The following DGKG variants were observed in gnomAD, a reference collection of about 807,000 sequenced individuals.
DGKG encodes diacylglycerol kinase gamma, also known as DAG kinase gamma.
In DGKG, 78 loss-of-function variants were observed where a neutral mutation model predicts 105.3. That is an observed-to-expected ratio of 0.74 (90% CI 0.62 to 0.89). The LOEUF is 0.89. DGKG is among the 40% of genes least tolerant of loss of function. The pLI is 0.00. For missense variants in DGKG, 958 were observed against 1,020.1 expected (o/e 0.94, Z 0.83); for synonymous variants, 346 against 367.1 (o/e 0.94, Z 0.66).
Position 186,231,122 on chromosome 3 carries a change from C to T in DGKG, c.1826+11382G>A, listed in dbSNP as rs772688998. Among the ~76,000 whole-genome samples the T allele has an allele frequency of 4.6e-5, 7 of 152,194 alleles. No homozygotes were observed. Among genetic ancestry groups the T allele is most frequent in the Non-Finnish European group, 1.0e-4 (7 of 68,040 alleles). ...GAGTAAGGAGGTGCAGTCACTATTT[C>T]CTGTTGTGAATCCTTCACACACTTG... On this transcript the variant is annotated intron_variant, in intron 20 of 24. Coordinates refer to ENST00000265022, the MANE Select transcript of DGKG (RefSeq NM_001346.3). The surrounding 1 kb of genome is among the most constrained non-coding windows in gnomAD (Gnocchi z 4.5).
At chr3:186,161,416 A>G in intron 24 of DGKG, 187 bp downstream of exon 24, 1 of 1,430,804 alleles carries the variant, frequency 7.0e-7, no homozygotes, top group Admixed American at 2.9e-5. Context: ...TCTGGCATAT[A>G]GCAGGTTTTC....
chr3:186,190,830 C>T (rs569299413), intron 21 of DGKG, among the ~76,000 whole-genome samples: 15 of 152,230 alleles, frequency 9.9e-5, no homozygotes, highest in African/African-American at 2.9e-4. Flanking sequence ...TTAATATGTG[C>T]GCATAAAAGG....
At chr3:186,201,492 ATG>A (rs1484610400) in intron 21 of DGKG, among the ~76,000 whole-genome samples, 5 of 152,070 alleles carry the variant, frequency 3.3e-5, no homozygotes, top group Non-Finnish European at 7.4e-5. Context: ...AGGTGGGAGA[ATG>A]TTGGCATTTC....
intron 11 of DGKG, among the ~76,000 whole-genome samples, chr3:186,269,825 C>T (rs1208997713): frequency 1.3e-5 from 2 of 152,160 alleles, no homozygotes; most frequent in Admixed American, 1.3e-4. Flanking sequence ...GCAGGCTAGG[C>T]ACTTGGAAAC....
intron 3 of DGKG, among the ~76,000 whole-genome samples, chr3:186,304,259 GT>G (rs1234312287): frequency 6.6e-6 from 1 of 152,242 alleles, no homozygotes; most frequent in African/African-American, 2.4e-5. Context: ...GGTGGGGGGT[GT>G]GGGGCAGTGA....
intron 20 of DGKG, among the ~76,000 whole-genome samples, chr3:186,236,147 A>G (rs932729244): frequency 3.9e-5 from 6 of 152,134 alleles, no homozygotes. Flanking sequence ...AACCAACCAA[A>G]GTGGTGCCAT....
intron 20 of DGKG, among the ~76,000 whole-genome samples, chr3:186,241,802 C>T (rs1255219334): frequency 6.6e-6 from 1 of 152,182 alleles, no homozygotes; most frequent in African/African-American, 2.4e-5. Context: ...AAAGGGGTAG[C>T]TATACGTCAG....
chr3:186,223,611 G>T (rs1419765135), intron 20 of DGKG, among the ~76,000 whole-genome samples: 1 of 152,080 alleles, frequency 6.6e-6, no homozygotes, highest in Non-Finnish European at 1.5e-5. Context: ...TCCTGTGCCA[G>T]TTTAAAAAAT....
intron 20 of DGKG, among the ~76,000 whole-genome samples, chr3:186,229,488 G>T (rs1004518723): frequency 2.6e-5 from 4 of 152,052 alleles, no homozygotes; most frequent in African/African-American, 7.2e-5. Flanking sequence ...CAAGTGATCC[G>T]CCTGCCTCTG....
intron 1 of DGKG, among the ~76,000 whole-genome samples, chr3:186,343,351 C>T (rs189616013): frequency 3.0e-4 from 45 of 152,202 alleles, no homozygotes; most frequent in Admixed American, 2.3e-3. Flanking sequence ...AGTGCAGTAG[C>T]GCAGTCTTGG....
intron 1 of DGKG, among the ~76,000 whole-genome samples, chr3:186,322,952 A>G (rs534847304): frequency 6.6e-6 from 1 of 152,220 alleles, no homozygotes; most frequent in African/African-American, 2.4e-5. Context: ...CCGGAGTTTG[A>G]CTGTCCACTG....
chr3:186,330,043 C>T (rs1041306032), intron 1 of DGKG, among the ~76,000 whole-genome samples: 1 of 152,142 alleles, frequency 6.6e-6, no homozygotes, highest in African/African-American at 2.4e-5. Context: ...TTCATGGAGT[C>T]AAAGTTCCTA....
intron 21 of DGKG, chr3:186,207,398 T>A: frequency 1.0e-6 from 1 of 953,640 alleles, no homozygotes; most frequent in Non-Finnish European, 1.2e-6. Context: ...CACTTGTAGG[T>A]TATGGACCTC....
intron 1 of DGKG, among the ~76,000 whole-genome samples, chr3:186,359,402 A>T (rs1405425922): frequency 1.3e-5 from 2 of 152,198 alleles, no homozygotes; most frequent in African/African-American, 4.8e-5. Context: ...TGCAGCCAGG[A>T]AAACAATGTT....
intron 19 of DGKG, among the ~76,000 whole-genome samples, chr3:186,247,625 C>G (rs1232218157): frequency 6.6e-6 from 1 of 152,132 alleles, no homozygotes; most frequent in African/African-American, 2.4e-5. Context: ...GTGTTGGTTA[C>G]TTGTTTTCTC....
At chr3:186,167,037 C>T (rs1025583201) in intron 22 of DGKG, among the ~76,000 whole-genome samples, 6 of 152,022 alleles carry the variant, frequency 3.9e-5, no homozygotes, top group Admixed American at 3.3e-4. Context: ...TATCACTTCC[C>T]ACACATTACC....
At chr3:186,292,754 A>G (rs1047317515) in intron 5 of DGKG, among the ~76,000 whole-genome samples, 1 of 152,002 alleles carries the variant, frequency 6.6e-6, no homozygotes, top group Admixed American at 6.6e-5. Flanking sequence ...GTTGCAGTGA[A>G]CTGCGATCGT....
intron 22 of DGKG, among the ~76,000 whole-genome samples, chr3:186,182,088 C>T (rs1436908993): frequency 6.6e-6 from 1 of 152,188 alleles, no homozygotes; most frequent in Non-Finnish European, 1.5e-5. Context: ...GACTGGGCAC[C>T]CTCCCCCTCC....
intron 22 of DGKG, among the ~76,000 whole-genome samples, chr3:186,175,513 G>T (rs572344251): frequency 6.6e-6 from 1 of 152,328 alleles, no homozygotes; most frequent in African/African-American, 2.4e-5. Flanking sequence ...TTCAGAGGGG[G>T]AGGCAGTGCC....
Sources: allele counts gnomAD v4.1 joint callset (sites outside exome capture counted in the v4.1 genomes callset), GRCh38; gene constraint gnomAD v4.1.1; non-coding constraint Gnocchi (gnomAD v3.1); transcripts MANE v1.5; gene names NCBI Gene and HGNC (gene_info 2026-07-23, HGNC 2026-07-21).